Variants in GLRA3 observed in about 807,000 individuals in gnomAD.
GLRA3 encodes the protein glycine receptor alpha 3.
A neutral mutation model predicts 60.4 loss-of-function variants in GLRA3; 44 were observed. The observed-to-expected ratio is 0.73, with a 90% CI of 0.57 to 0.94. The LOEUF (loss-of-function observed/expected upper bound fraction) is 0.94. GLRA3 is among the 40% of genes least tolerant of loss of function. The probability of loss-of-function intolerance (pLI) is 0.00; values close to 1 mark genes in which losing one functional copy is unlikely to be tolerated. For missense variants in GLRA3, 508 were observed against 564.6 expected (o/e 0.90, Z 1.02); for synonymous variants, 223 against 192.9 (o/e 1.16, Z -1.29).
At chr4:174,644,478 T>G (rs1402882907) in intron 9 of GLRA3, among the ~76,000 whole-genome samples, 1 of 151,790 alleles carries the variant, frequency 6.6e-6, no homozygotes, top group Non-Finnish European at 1.5e-5. Context: ...GATCATTGAC[T>G]GAATTTTTCT....
chr4:174,751,542 T>G (rs551829399), intron 3 of GLRA3, among the ~76,000 whole-genome samples: 1 of 152,118 alleles, frequency 6.6e-6, no homozygotes, highest in Non-Finnish European at 1.5e-5. Context: ...GAGAATATAG[T>G]TTGATCTCCA....
chr4:174,725,365 T>G (rs955546151), intron 4 of GLRA3, among the ~76,000 whole-genome samples: 1 of 152,268 alleles, frequency 6.6e-6, no homozygotes, highest in African/African-American at 2.4e-5. Context: ...GGTTTCACTT[T>G]GTAGCTTCTA....
chr4:174,820,714 ATAACTTATC>A (rs1740710626), intron 1 of GLRA3, among the ~76,000 whole-genome samples: 1 of 152,224 alleles, frequency 6.6e-6, no homozygotes, highest in African/African-American at 2.4e-5. Flanking sequence ...TGAGTCTCAA[ATAACTTATC>A]TTCTTCAGGC....
chr4:174,728,280 T>C (rs937823288), intron 4 of GLRA3, among the ~76,000 whole-genome samples, 195 bp downstream of exon 4: 12 of 152,184 alleles, frequency 7.9e-5, no homozygotes, highest in African/African-American at 2.9e-4. Flanking sequence ...GAATTACTTA[T>C]ATAGTTCCTG....
chr4:174,819,243 T>C (rs945764461), intron 1 of GLRA3, among the ~76,000 whole-genome samples: 2 of 152,164 alleles, frequency 1.3e-5, no homozygotes, highest in African/African-American at 4.8e-5. Flanking sequence ...GTGCTGACAA[T>C]GAAAAATTTT....
chr4:174,701,709 C>A (rs1464213501), intron 5 of GLRA3, among the ~76,000 whole-genome samples: 2 of 152,096 alleles, frequency 1.3e-5, no homozygotes, highest in Admixed American at 1.3e-4. Flanking sequence ...TCAACATTAA[C>A]AGGAATTTGG....
intron 3 of GLRA3, among the ~76,000 whole-genome samples, chr4:174,733,186 G>A (rs1310487256): frequency 6.6e-6 from 1 of 152,098 alleles, no homozygotes; most frequent in Non-Finnish European, 1.5e-5. Context: ...CAAAGAATGT[G>A]GGCAGCCTCT....
chr4:174,657,838 G>A (rs1057310608), intron 8 of GLRA3, among the ~76,000 whole-genome samples: 1 of 152,104 alleles, frequency 6.6e-6, no homozygotes, highest in African/African-American at 2.4e-5. Context: ...GCAAGTCTTA[G>A]CCTGTTTTTT....
chr4:174,740,026 A>C (rs1736952994), intron 3 of GLRA3, among the ~76,000 whole-genome samples: 1 of 152,176 alleles, frequency 6.6e-6, no homozygotes, highest in Non-Finnish European at 1.5e-5. Context: ...TGTGTGGGAT[A>C]GAAAACCTGT....
chr4:174,666,385 AT>A (rs1441540636), intron 7 of GLRA3, among the ~76,000 whole-genome samples: 1 of 152,046 alleles, frequency 6.6e-6, no homozygotes, highest in African/African-American at 2.4e-5. Context: ...AAGCAAAACT[AT>A]TAAGATAAGA....
At chr4:174,762,811 T>G (rs1737989114) in intron 3 of GLRA3, among the ~76,000 whole-genome samples, 2 of 152,154 alleles carry the variant, frequency 1.3e-5, no homozygotes, top group Admixed American at 1.3e-4. Context: ...TGCATATACC[T>G]GTGTTACTAC....
chr4:174,806,697 A>G (rs986867992), intron 1 of GLRA3, among the ~76,000 whole-genome samples: 1 of 152,066 alleles, frequency 6.6e-6, no homozygotes, highest in African/African-American at 2.4e-5. Context: ...ATGTGGAAAT[A>G]CGACTTTATT....
At chr4:174,770,120 C>A (rs1248570681) in intron 2 of GLRA3, among the ~76,000 whole-genome samples, 7 of 152,000 alleles carry the variant, frequency 4.6e-5, no homozygotes, top group Admixed American at 1.3e-4. Context: ...TGCTTTTCAA[C>A]CTATTCTCTA....
At chr4:174,647,793 T>C (rs535820183) in intron 9 of GLRA3, among the ~76,000 whole-genome samples, 16 of 152,334 alleles carry the variant, frequency 1.1e-4, no homozygotes, top group Non-Finnish European at 2.1e-4. Context: ...GAGATAGTTT[T>C]CATTCTTTAT....
chr4:174,654,520 ATAAT>A (rs1296556177), intron 9 of GLRA3, among the ~76,000 whole-genome samples: 3 of 152,296 alleles, frequency 2.0e-5, no homozygotes, highest in East Asian at 3.9e-4. Flanking sequence ...TATATAAATA[ATAAT>A]TAATAAATAA....
chr4:174,707,680 A>T (rs901430136), intron 5 of GLRA3, among the ~76,000 whole-genome samples: 6 of 152,222 alleles, frequency 3.9e-5, no homozygotes, highest in Admixed American at 3.9e-4. Flanking sequence ...GAGATAATTT[A>T]AGGATACCAC....
chr4:174,741,618 T>C (rs1579535770), intron 3 of GLRA3, among the ~76,000 whole-genome samples: 1 of 152,218 alleles, frequency 6.6e-6, no homozygotes, highest in East Asian at 1.9e-4. Flanking sequence ...ATTTATATTT[T>C]TTAAATTGTG....
At chr4:174,728,949 G>C (rs923694379) in intron 3 of GLRA3, among the ~76,000 whole-genome samples, 4 of 152,136 alleles carry the variant, frequency 2.6e-5, no homozygotes, top group Admixed American at 6.5e-5. Context: ...TTATAAAAAA[G>C]AGTTTTGGAT....
Position 174,643,136 on chromosome 4 carries a change from T to C in GLRA3, c.*650A>G. On this transcript the variant is annotated 3_prime_UTR_variant, in exon 10 of 10. Transcript: ENST00000274093. Reference sequence around the variant, plus strand: ...GTTTAAGAAAAGTAGATTGTGACTGTAACACGATCTCTTGTTATTTGTTTT... The same window carrying C: ...GTTTAAGAAAAGTAGATTGTGACTGCAACACGATCTCTTGTTATTTGTTTT... The C allele has an allele frequency of 3.4e-6, 3 of 874,564 alleles. No individual in the cohort carries two copies. Among genetic ancestry groups the C allele is most frequent in the Non-Finnish European group, 4.1e-6 (3 of 729,766 alleles). The allele number at this position is 874,564 out of a possible 1,614,324, so 54.2% of individuals were successfully genotyped here. A position where few individuals can be genotyped will look rare whatever the true frequency, so the allele number is the denominator to read the frequency against.
Sources: gnomAD v4.1 joint callset for allele counts (sites outside exome capture counted in the v4.1 genomes callset) on GRCh38, gnomAD v4.1.1 for gene constraint, MANE v1.5 for transcripts, NCBI Gene and HGNC (gene_info 2026-07-23, HGNC 2026-07-21) for gene names.